The following BMPR1A variants were observed in gnomAD, a reference collection of about 807,000 sequenced individuals.
BMPR1A encodes the protein bone morphogenetic protein receptor type-1A.
In BMPR1A, 7 loss-of-function variants were observed where a neutral mutation model predicts 66.0. The ratio of observed to expected loss-of-function variants is 0.11; its 90% CI spans 0.06 to 0.20. The LOEUF (loss-of-function observed/expected upper bound fraction) is 0.20. BMPR1A is among the 10% of genes least tolerant of loss of function. BMPR1A has a pLI of 1.00. For synonymous variants in BMPR1A, 200 were observed against 229.7 expected (o/e 0.87, Z 1.17); for missense variants, 408 against 669.1 (o/e 0.61, Z 4.31).
intron 1 of BMPR1A, among the ~76,000 whole-genome samples, chr10:86,835,815 T>C (rs547646612): frequency 9.2e-5 from 14 of 152,256 alleles, no homozygotes; most frequent in African/African-American, 3.4e-4. Context: ...CCAAGATGGA[T>C]GCATACATTC....
intron 2 of BMPR1A, among the ~76,000 whole-genome samples, chr10:86,861,948 G>A (rs1002374612): frequency 1.3e-5 from 2 of 152,170 alleles, no homozygotes; most frequent in Non-Finnish European, 1.5e-5. Flanking sequence ...AAAGTGAAAG[G>A]AATTGGCATA....
chr10:86,809,442 A>G (rs564049511), intron 1 of BMPR1A, among the ~76,000 whole-genome samples: 2 of 152,048 alleles, frequency 1.3e-5, no homozygotes, highest in East Asian at 1.9e-4. Context: ...GGTGCGTGCC[A>G]TCACACCTAG....
intron 1 of BMPR1A, among the ~76,000 whole-genome samples, chr10:86,836,336 A>G (rs1009945980): frequency 6.6e-6 from 1 of 152,222 alleles, no homozygotes; most frequent in Non-Finnish European, 1.5e-5. Flanking sequence ...AGTGTGTACA[A>G]TGTGACTTGC....
At chr10:86,768,416 T>G (rs537347589) in intron 1 of BMPR1A, among the ~76,000 whole-genome samples, 168 of 152,332 alleles carry the variant, frequency 1.1e-3, no homozygotes, top group African/African-American at 3.9e-3. Context: ...TAATGCTGAT[T>G]GTTAATGGAT....
intron 8 of BMPR1A, among the ~76,000 whole-genome samples, chr10:86,913,395 T>C (rs1015061534): frequency 7.3e-5 from 11 of 151,684 alleles, no homozygotes; most frequent in Non-Finnish European, 1.6e-4. Flanking sequence ...CCTAAAGTGC[T>C]GGGATTACAG....
intron 1 of BMPR1A, among the ~76,000 whole-genome samples, chr10:86,809,613 C>CTCTCTTTTT (rs144273391): frequency 2.8e-5 from 3 of 106,700 alleles, no homozygotes; most frequent in African/African-American, 7.0e-5. Context: ...TTTTTTTTTT[C>CTCTCTTTTT]TCTTTTTTCT....
Position 86,906,593 on chromosome 10 carries a change from G to A in BMPR1A, c.531-5647G>A, listed in dbSNP as rs1398170465. On this transcript the variant is annotated intron_variant, in intron 7 of 12. Coordinates refer to ENST00000372037, the MANE Select transcript of BMPR1A (RefSeq NM_004329.3). ...AAAGAAATTAGCCAGGCGTGGTGGC[G>A]GGCGCCTGTAGTCCCAGCTACTCGG... 9.6e-5 allele frequency among the ~76,000 whole-genome samples: 8 copies of A among 83,400 alleles called. 4 individuals are homozygous for A. Among genetic ancestry groups the A allele is most frequent in the African/African-American group, 5.1e-4 (6 of 11,788 alleles). 54.7% of individuals were successfully genotyped at this position (83,400 alleles called of 152,430 possible).
chr10:86,855,296 A>G (rs1640442943), intron 2 of BMPR1A: 1 of 1,053,958 alleles, frequency 9.5e-7, no homozygotes, highest in Non-Finnish European at 1.3e-6. Flanking sequence ...TCTGTCTTCC[A>G]CCCAATCAAA....
intron 1 of BMPR1A, among the ~76,000 whole-genome samples, chr10:86,760,230 TTCTTTCTTTCTTTCTTTC>T (rs1841024364): frequency 1.9e-5 from 2 of 107,976 alleles, no homozygotes; most frequent in Admixed American, 1.0e-4. Context: ...TGTTTTTTCT[TTCTTTCTTTCTTTCTTTC>T]TTTTTTTTTT....
chr10:86,782,749 A>G (rs1476835064), intron 1 of BMPR1A, among the ~76,000 whole-genome samples: 3 of 151,584 alleles, frequency 2.0e-5, no homozygotes, highest in East Asian at 3.9e-4. Context: ...TATTCTGGAT[A>G]TTAAACCCCT....
intron 7 of BMPR1A, among the ~76,000 whole-genome samples, chr10:86,906,723 C>CACAAAAAAAA (rs1843394960): frequency 9.3e-5 from 1 of 10,704 alleles, no homozygotes; most frequent in Non-Finnish European, 1.2e-4. Flanking sequence ...GACTCCGTCT[C>CACAAAAAAAA]AAAAAAAAAA....
chr10:86,789,488 G>A (rs1228554531), intron 1 of BMPR1A, among the ~76,000 whole-genome samples: 1 of 151,838 alleles, frequency 6.6e-6, no homozygotes, highest in Non-Finnish European at 1.5e-5. Context: ...TGAGGTGGGC[G>A]GATCACTTGA....
intron 1 of BMPR1A, among the ~76,000 whole-genome samples, chr10:86,836,901 C>G (rs1842356440): frequency 6.6e-6 from 1 of 152,068 alleles, no homozygotes; most frequent in African/African-American, 2.4e-5. Context: ...CCACTATACG[C>G]CAGCCTGGGT....
chr10:86,770,976 C>T (rs1398740267), intron 1 of BMPR1A, among the ~76,000 whole-genome samples: 1 of 152,158 alleles, frequency 6.6e-6, no homozygotes, highest in African/African-American at 2.4e-5. Context: ...CACCAAATCC[C>T]ATTCTCTTTT....
At chr10:86,802,984 G>A (rs868539553) in intron 1 of BMPR1A, among the ~76,000 whole-genome samples, 9 of 118,150 alleles carry the variant, frequency 7.6e-5, no homozygotes, top group Middle Eastern at 8.2e-3. Flanking sequence ...TAGCCTGGGC[G>A]ACAGAGCAAG....
intron 2 of BMPR1A, among the ~76,000 whole-genome samples, chr10:86,869,698 G>T (rs1202953146): frequency 2.0e-5 from 3 of 151,904 alleles, no homozygotes; most frequent in African/African-American, 7.3e-5. Flanking sequence ...CAGAGGTTGC[G>T]GTGAGCTGAG....
chr10:86,921,042 C>T (rs1433538525), intron 10 of BMPR1A, among the ~76,000 whole-genome samples: 2 of 151,902 alleles, frequency 1.3e-5, no homozygotes, highest in South Asian at 4.1e-4. Context: ...TTTATAGAGA[C>T]AGTGTTTTAC....
Position 86,924,883 on chromosome 10 carries a change from A to G in BMPR1A, c.*1164A>G, listed in dbSNP as rs555645183. Reference sequence around the variant, plus strand: ...ATAAATTTTCAGAATTAATGCATTCAAAGTAATATATCAAATCCAGGACTT... The same window carrying G: ...ATAAATTTTCAGAATTAATGCATTCGAAGTAATATATCAAATCCAGGACTT... On this transcript the variant is annotated 3_prime_UTR_variant, in exon 13 of 13. Coordinates refer to ENST00000372037, the MANE Select transcript of BMPR1A (RefSeq NM_004329.3). The G allele has an allele frequency of 4.3e-6, 1 of 232,266 alleles. No individual in the cohort carries two copies. Among genetic ancestry groups the G allele is most frequent in the South Asian group, 1.8e-4 (1 of 5,524 alleles). 14.4% of individuals were successfully genotyped at this position (232,266 alleles called of 1,614,324 possible). A position where few individuals can be genotyped will look rare whatever the true frequency, so the allele number is the denominator to read the frequency against.
chr10:86,880,520 C>G (rs979013669), intron 3 of BMPR1A, among the ~76,000 whole-genome samples: 5 of 152,130 alleles, frequency 3.3e-5, no homozygotes, highest in African/African-American at 1.2e-4. Flanking sequence ...TCTAGTCACC[C>G]AGGGCTTAAA....
Sources: allele counts gnomAD v4.1 joint callset (sites outside exome capture counted in the v4.1 genomes callset), GRCh38; gene constraint gnomAD v4.1.1; transcripts MANE v1.5; gene names NCBI Gene and HGNC (gene_info 2026-07-23, HGNC 2026-07-21).